Variants in ITFG1 observed in about 807,000 individuals in gnomAD.
The protein encoded by ITFG1 is T-cell immunomodulatory protein.
ITFG1 carries 34 observed loss-of-function variants against 81.8 expected under a neutral mutation model. That is an observed-to-expected ratio of 0.42 (90% confidence interval 0.32 to 0.55). The LOEUF is 0.55. Ranked by LOEUF, ITFG1 falls within the 20% of genes least tolerant of loss-of-function variation. The pLI, the probability that ITFG1 is intolerant of heterozygous loss-of-function variation, is 0.17. For synonymous variants in ITFG1, 285 were observed against 270.6 expected (o/e 1.05, Z -0.52); for missense variants, 672 against 755.4 (o/e 0.89, Z 1.29).
At chr16:47,355,000 A>G (rs546483730) in intron 8 of ITFG1, among the ~76,000 whole-genome samples, 1 of 152,276 alleles carries the variant, frequency 6.6e-6, no homozygotes, top group Non-Finnish European at 1.5e-5. Flanking sequence ...AAAAAATATT[A>G]CGAATAGAAC....
chr16:47,441,923 A>G (rs1969256942), intron 5 of ITFG1, among the ~76,000 whole-genome samples: 1 of 152,226 alleles, frequency 6.6e-6, no homozygotes, highest in South Asian at 2.1e-4. Context: ...TTGTATATCT[A>G]GAAAACCCCA....
intron 12 of ITFG1, among the ~76,000 whole-genome samples, chr16:47,256,135 C>T (rs935118232): frequency 1.3e-5 from 2 of 151,990 alleles, no homozygotes; most frequent in Admixed American, 1.3e-4. Flanking sequence ...AACTAAATTT[C>T]GTATTTTTTA....
At chr16:47,355,961 T>C (rs1347736514) in intron 8 of ITFG1, among the ~76,000 whole-genome samples, 1 of 152,200 alleles carries the variant, frequency 6.6e-6, no homozygotes, top group Non-Finnish European at 1.5e-5. Context: ...GCAAACAGCA[T>C]ATATACTAGT....
intron 14 of ITFG1, among the ~76,000 whole-genome samples, chr16:47,206,410 A>G (rs1468683899): frequency 6.6e-6 from 1 of 152,214 alleles, no homozygotes; most frequent in Non-Finnish European, 1.5e-5. Flanking sequence ...CCTTTAATGT[A>G]TACAATTCAG....
Position 47,451,379 on chromosome 16 carries a change from T to C in ITFG1, c.560+17A>G, listed in dbSNP as rs777149476. 9 of 1,349,106 alleles carry C rather than the reference T, an allele frequency of 6.7e-6. No individual in the cohort carries two copies. The highest frequency in any genetic ancestry group is 1.2e-5 in the South Asian group (1 of 82,786). 83.6% of individuals were successfully genotyped at this position (1,349,106 alleles called of 1,614,324 possible). On this transcript the variant is annotated intron_variant, in intron 5 of 17. Transcript: ENST00000320640. ...ATATATACGATTAATTACATAGTTA[T>C]AACCATATTTACTCACCCTCCTAAT...
At chr16:47,265,182 T>A (rs1966262167) in intron 10 of ITFG1, among the ~76,000 whole-genome samples, 1 of 151,840 alleles carries the variant, frequency 6.6e-6, no homozygotes, top group Non-Finnish European at 1.5e-5. Context: ...CCTTTTATTT[T>A]TTTTTTTTAA....
At chr16:47,353,394 T>C (rs1274348107) in intron 8 of ITFG1, among the ~76,000 whole-genome samples, 1 of 152,086 alleles carries the variant, frequency 6.6e-6, no homozygotes, top group Non-Finnish European at 1.5e-5. Flanking sequence ...AGCAGGTATG[T>C]ACCTCAACAC....
At chr16:47,328,522 T>C (rs1967593177) in intron 8 of ITFG1, among the ~76,000 whole-genome samples, 2 of 151,990 alleles carry the variant, frequency 1.3e-5, no homozygotes, top group African/African-American at 4.8e-5. Flanking sequence ...TTGGAGTAAA[T>C]GTGATAGTTG....
intron 5 of ITFG1, among the ~76,000 whole-genome samples, chr16:47,435,776 C>A (rs1969158484): frequency 6.6e-6 from 1 of 152,120 alleles, no homozygotes. Flanking sequence ...CCCAGATATG[C>A]TTCGAAAGAA....
chr16:47,253,711 C>T (rs1596837800), intron 12 of ITFG1, among the ~76,000 whole-genome samples: 1 of 152,266 alleles, frequency 6.6e-6, no homozygotes, highest in East Asian at 1.9e-4. Flanking sequence ...CAATAGGCGT[C>T]GTGCTCCTAT....
chr16:47,183,735 C>T (rs1244042025), intron 14 of ITFG1, among the ~76,000 whole-genome samples: 1 of 152,220 alleles, frequency 6.6e-6, no homozygotes, highest in Non-Finnish European at 1.5e-5. Flanking sequence ...AGCGCCTCTC[C>T]TCCTCCAAAG....
chr16:47,183,001 G>A (rs1013708769), intron 14 of ITFG1, among the ~76,000 whole-genome samples: 1 of 152,186 alleles, frequency 6.6e-6, no homozygotes, highest in African/African-American at 2.4e-5. Context: ...TCAAAGAAAG[G>A]GGTGACAGAC....
intron 10 of ITFG1, among the ~76,000 whole-genome samples, chr16:47,273,598 TG>T (rs1258237939): frequency 6.6e-6 from 1 of 151,948 alleles, no homozygotes; most frequent in Admixed American, 6.6e-5. Flanking sequence ...TGTGACTCAG[TG>T]GGGGAGACAG....
intron 2 of ITFG1, among the ~76,000 whole-genome samples, chr16:47,455,684 G>A (rs1000743236): frequency 1.3e-5 from 2 of 148,596 alleles, no homozygotes; most frequent in South Asian, 4.2e-4. Flanking sequence ...CAGGAGAATC[G>A]CTTGAACCCA....
At chr16:47,369,616 T>C (rs1332186988) in intron 7 of ITFG1, among the ~76,000 whole-genome samples, 1 of 152,174 alleles carries the variant, frequency 6.6e-6, no homozygotes, top group Non-Finnish European at 1.5e-5. Flanking sequence ...TATTTGTATA[T>C]TTATGTTCTT....
chr16:47,343,708 T>G (rs981549168), intron 8 of ITFG1, among the ~76,000 whole-genome samples: 23 of 152,056 alleles, frequency 1.5e-4, no homozygotes, highest in Admixed American at 1.4e-3. Context: ...AGAAAACACG[T>G]TAGTGATGAT....
At position 47,194,112 on chromosome 16, in the gene ITFG1, G is replaced by A. The variant is rs138816526; in HGVS notation, c.1453+24756C>T. 4.6e-5 allele frequency among the ~76,000 whole-genome samples: 7 copies of A among 152,238 alleles called. No homozygotes were observed. In the East Asian group the frequency reaches 1.3e-3, roughly 29 times the overall value. On this transcript the variant is annotated intron_variant, in intron 14 of 17. Coordinates refer to ENST00000320640, the MANE Select transcript of ITFG1 (RefSeq NM_030790.5). ...CTAATAAAGTTACATTTCCCATTAT[G>A]TTGACTTTGCTAATGCTACATCTGC... is the stretch of plus-strand genomic sequence containing the variant.
chr16:47,320,850 G>A (rs1048981036), intron 8 of ITFG1, among the ~76,000 whole-genome samples: 13 of 152,112 alleles, frequency 8.5e-5, no homozygotes, highest in South Asian at 8.3e-4. Context: ...TTTTCTTCAG[G>A]GTTCTCACTT....
chr16:47,409,150 T>C (rs1596964004), intron 6 of ITFG1, among the ~76,000 whole-genome samples: 2 of 151,464 alleles, frequency 1.3e-5, no homozygotes, highest in East Asian at 3.9e-4. Flanking sequence ...ATAACAAGAC[T>C]GCAAAAAGAG....
Sources: allele counts gnomAD v4.1 joint callset (sites outside exome capture counted in the v4.1 genomes callset), GRCh38; gene constraint gnomAD v4.1.1; transcripts MANE v1.5; gene names NCBI Gene and HGNC (gene_info 2026-07-23, HGNC 2026-07-21).